CIB4: variants seen among roughly 807,000 people sequenced by gnomAD.
CIB4 encodes the protein calcium and integrin-binding family member 4.
CIB4 carries 25 observed loss-of-function variants against 25.8 expected under a neutral mutation model. That is an observed-to-expected ratio of 0.97 (90% CI 0.71 to 1.35). CIB4 has a LOEUF of 1.35. Among genes scored for constraint, CIB4 ranks in the 40% most tolerant of loss-of-function variants. CIB4 has a pLI of 0.00. For synonymous variants in CIB4, 75 were observed against 81.4 expected (o/e 0.92, Z 0.42); for missense variants, 235 against 228.2 (o/e 1.03, Z -0.19).
rs1214650994 is a variant in CIB4 at position 26,601,224 on chromosome 2, AAAAAAAAATATAT to A, written c.187-5920_187-5908del. Among the ~76,000 whole-genome samples the A allele has an allele frequency of 9.1e-3, 472 of 51,838 alleles. 25 individuals carry two copies. Among genetic ancestry groups the A allele is most frequent in the African/African-American group, 0.027 (407 of 14,976 alleles). The allele number at this position is 51,838 out of a possible 152,430, so 34.0% of individuals were successfully genotyped here. On this transcript the variant is annotated intron_variant, in intron 3 of 6. Transcript: ENST00000288861. The stretch of plus-strand genomic sequence containing the variant: ...GACAGAGTGAGACCATGTCAAAAAA[AAAAAAAAATATAT>A]ATATATATATATATATATATATATA...
At chr2:26,640,110 A>T in intron 2 of CIB4, among the ~76,000 whole-genome samples, 1 of 59,094 alleles carries the variant, frequency 1.7e-5, no homozygotes, top group South Asian at 6.0e-4. Flanking sequence ...GCAGGGAGGG[A>T]GGGAGGGAGG....
intron 3 of CIB4, among the ~76,000 whole-genome samples, chr2:26,616,521 T>C (rs1037528473): frequency 6.6e-6 from 1 of 152,152 alleles, no homozygotes; most frequent in Non-Finnish European, 1.5e-5. Flanking sequence ...GCTTGGGGAC[T>C]TGGGAATCAG....
intron 4 of CIB4, among the ~76,000 whole-genome samples, chr2:26,585,005 T>C (rs1668424264): frequency 6.6e-6 from 1 of 152,318 alleles, no homozygotes; most frequent in Admixed American, 6.5e-5. Flanking sequence ...GGCCAGGCCT[T>C]GGGTCCTCCT....
chr2:26,633,990 G>A (rs901710223), intron 2 of CIB4, among the ~76,000 whole-genome samples: 1 of 152,106 alleles, frequency 6.6e-6, no homozygotes. Flanking sequence ...CCTCTCTCTG[G>A]CATCCCATTT....
At chr2:26,616,786 T>C (rs532513318) in intron 3 of CIB4, among the ~76,000 whole-genome samples, 17 of 152,312 alleles carry the variant, frequency 1.1e-4, no homozygotes, top group African/African-American at 3.6e-4. Flanking sequence ...CACGTGTGTA[T>C]CCACACAGGC....
rs139573961 is a variant in CIB4 at position 26,633,818 on chromosome 2, T to C, written c.90-4312A>G. On this transcript the variant is annotated intron_variant, in intron 2 of 6. Coordinates refer to ENST00000288861, the MANE Select transcript of CIB4 (RefSeq NM_001029881.3). Reference sequence around the variant, plus strand: ...AGGGGCTGCCTGCGGGCTCAGGGGCTGGCCCTAAGACGGGTGGAGGTCACT... The same window carrying C: ...AGGGGCTGCCTGCGGGCTCAGGGGCCGGCCCTAAGACGGGTGGAGGTCACT... Among the ~76,000 whole-genome samples, 545 of 152,314 alleles carry C rather than the reference T, an allele frequency of 3.6e-3. 4 individuals carry two copies. The highest frequency in any genetic ancestry group is 0.012 in the African/African-American group (500 of 41,576).
chr2:26,582,273 C>A (rs1161875775), intron 6 of CIB4, among the ~76,000 whole-genome samples: 1 of 152,188 alleles, frequency 6.6e-6, no homozygotes, highest in Admixed American at 6.5e-5. Context: ...CCAGGGGGCA[C>A]GCATCTCCCG....
intron 3 of CIB4, among the ~76,000 whole-genome samples, chr2:26,598,356 T>C (rs1424974900): frequency 6.6e-6 from 1 of 151,166 alleles, no homozygotes; most frequent in Non-Finnish European, 1.5e-5. Context: ...AAATGGCTCA[T>C]GGCCCAGGAG....
intron 4 of CIB4, among the ~76,000 whole-genome samples, chr2:26,591,076 T>C (rs1668578131): frequency 6.6e-6 from 1 of 152,222 alleles, no homozygotes; most frequent in South Asian, 2.1e-4. Flanking sequence ...TTTGTTTAGC[T>C]CAGGAAACCA....
At position 26,617,145 on chromosome 2, in the gene CIB4, T is replaced by TGTGTGTGTGTGTGC. The variant is rs1381689008; in HGVS notation, c.186+12264_186+12265insGCACACACACACAC. On this transcript the variant is annotated intron_variant, in intron 3 of 6. Transcript: ENST00000288861. ...ATGTGTGTGTGTGTGTGTGTGTGTG[T>TGTGTGTGTGTGTGC]GTGCACGTGAGCGTGGGTGGGCATG... Among the ~76,000 whole-genome samples, 569 of 139,110 alleles carry TGTGTGTGTGTGTGC rather than the reference T, an allele frequency of 4.1e-3. 4 individuals carry two copies. The highest frequency in any genetic ancestry group is 0.011 in the African/African-American group (421 of 39,266). 91.3% of individuals were successfully genotyped at this position (139,110 alleles called of 152,430 possible).
At chr2:26,589,580 T>A (rs1244062402) in intron 4 of CIB4, among the ~76,000 whole-genome samples, 1 of 152,100 alleles carries the variant, frequency 6.6e-6, no homozygotes, top group Non-Finnish European at 1.5e-5. Context: ...CCTCAGCCTC[T>A]CAAAGTGCTG....
At chr2:26,584,019 G>GCT in intron 4 of CIB4, 121 bp from the exon 5 acceptor site, 1 of 650,774 alleles carries the variant, frequency 1.5e-6, no homozygotes, top group Non-Finnish European at 2.8e-6. Flanking sequence ...TAGCCTCTGG[G>GCT]AGGCCCCCCA....
intron 4 of CIB4, among the ~76,000 whole-genome samples, chr2:26,585,386 AG>A (rs1273470335): frequency 6.6e-6 from 1 of 151,996 alleles, no homozygotes; most frequent in African/African-American, 2.4e-5. Context: ...GAGAAGCATC[AG>A]GGGTTAAGTC....
At chr2:26,640,499 G>A (rs764210062) in intron 2 of CIB4, 34 bp downstream of exon 2, 2 of 1,609,870 alleles carry the variant, frequency 1.2e-6, no homozygotes, top group Non-Finnish European at 8.5e-7. Flanking sequence ...GGGAGGAGCT[G>A]GGAGAAGGAA....
chr2:26,613,835 C>CGGGCCTGTGCG (rs1669042293), intron 3 of CIB4, among the ~76,000 whole-genome samples: 1 of 152,216 alleles, frequency 6.6e-6, no homozygotes, highest in Non-Finnish European at 1.5e-5. Context: ...TCTCTGTAGT[C>CGGGCCTGTGCG]GGGCCTGTGC....
intron 3 of CIB4, 53 bp from the exon 4 acceptor site, chr2:26,595,370 C>T: frequency 6.4e-7 from 1 of 1,572,490 alleles, no homozygotes; most frequent in Non-Finnish European, 8.7e-7. Flanking sequence ...GGGGCTGTGT[C>T]TCCCTGGGTC....
chr2:26,583,870 C>T lies in CIB4; in HGVS notation c.357G>A (p.Glu119=). The part of the protein sequence containing the change: ...YDFNENGFID[E]EDLQRIILRL... ...GCAGGATGATCCTCTGCAGATCCTC[C>T]TCATCAATGAAGCCATTCTCATTAA... The change falls in exon 5 of 7, where the codon GAG becomes GAA. Residue 119 remains glutamate, a synonymous_variant. Transcript: ENST00000288861. 1.2e-6 allele frequency: 2 copies of T among 1,612,834 alleles called. No homozygotes were observed. Among genetic ancestry groups the T allele is most frequent in the Non-Finnish European group, 1.7e-6 (2 of 1,178,976 alleles).
chr2:26,611,165 T>C (rs1195815325), intron 3 of CIB4, among the ~76,000 whole-genome samples: 1 of 152,170 alleles, frequency 6.6e-6, no homozygotes, highest in African/African-American at 2.4e-5. Flanking sequence ...TGGGCAGCAG[T>C]GCAGGTGGAG....
chr2:26,610,037 G>C (rs982127048), intron 3 of CIB4, among the ~76,000 whole-genome samples: 1 of 152,270 alleles, frequency 6.6e-6, no homozygotes, highest in African/African-American at 2.4e-5. Context: ...GCTGGGTTCC[G>C]CTTGGAGTGG....
Sources: allele counts gnomAD v4.1 joint callset (sites outside exome capture counted in the v4.1 genomes callset), GRCh38; gene constraint gnomAD v4.1.1; transcripts MANE v1.5; gene names NCBI Gene and HGNC (gene_info 2026-07-23, HGNC 2026-07-21).